IGF2BP2: variants seen among roughly 807,000 people sequenced by gnomAD.
IGF2BP2 encodes the protein insulin-like growth factor 2 mRNA-binding protein 2.
In IGF2BP2, 17 loss-of-function variants were observed where a neutral mutation model predicts 75.8. The ratio of observed to expected loss-of-function variants is 0.22; its 90% CI spans 0.15 to 0.34. The LOEUF (loss-of-function observed/expected upper bound fraction) is 0.34, where lower values mean the gene tolerates loss of function less well. Ranked by LOEUF, IGF2BP2 falls within the 10% of genes least tolerant of loss-of-function variation. IGF2BP2 has a pLI of 1.00. For missense variants in IGF2BP2, 516 were observed against 772.4 expected (o/e 0.67, Z 3.93); for synonymous variants, 288 against 295.6 (o/e 0.97, Z 0.26).
intron 2 of IGF2BP2, among the ~76,000 whole-genome samples, chr3:185,803,103 A>G (rs1738502038): frequency 6.6e-6 from 1 of 152,254 alleles, no homozygotes; most frequent in Non-Finnish European, 1.5e-5. Context: ...CTGTAATCCC[A>G]GCACTTTGAG....
At chr3:185,701,935 C>A (rs898852400) in intron 2 of IGF2BP2, among the ~76,000 whole-genome samples, 1 of 152,166 alleles carries the variant, frequency 6.6e-6, no homozygotes, top group African/African-American at 2.4e-5. Flanking sequence ...TATGCCTTCT[C>A]ATCAGGGTAC....
At chr3:185,754,232 C>T (rs1296470334) in intron 2 of IGF2BP2, among the ~76,000 whole-genome samples, 6 of 151,570 alleles carry the variant, frequency 4.0e-5, no homozygotes, top group Admixed American at 1.3e-4. Context: ...AATAAGAATA[C>T]GGGACCTCCC....
At position 185,660,458 on chromosome 3, in the gene IGF2BP2, T is replaced by C. The variant is rs16860175; in HGVS notation, c.1201-2049A>G. Reference sequence around the variant, plus strand: ...ACCGTTGCCCTTTTTGAGCTTGGAATGAGAAGGCAGAGATGTGAACAACTT... The same window carrying C: ...ACCGTTGCCCTTTTTGAGCTTGGAACGAGAAGGCAGAGATGTGAACAACTT... On this transcript the variant is annotated intron_variant, in intron 10 of 15. Coordinates refer to ENST00000382199, the MANE Select transcript of IGF2BP2 (RefSeq NM_006548.6). Among the ~76,000 whole-genome samples, 586 of 152,234 alleles carry C rather than the reference T, an allele frequency of 3.8e-3. 2 individuals are homozygous for C. The highest frequency in any genetic ancestry group is 0.013 in the African/African-American group (551 of 41,544).
intron 2 of IGF2BP2, among the ~76,000 whole-genome samples, chr3:185,734,203 T>C (rs1728560213): frequency 6.6e-6 from 1 of 152,204 alleles, no homozygotes; most frequent in Non-Finnish European, 1.5e-5. Context: ...CATCTGCACA[T>C]AGTTACATAG....
At chr3:185,812,495 A>G (rs1740034420) in intron 2 of IGF2BP2, among the ~76,000 whole-genome samples, 1 of 152,228 alleles carries the variant, frequency 6.6e-6, no homozygotes, top group South Asian at 2.1e-4. Flanking sequence ...GACAGGAAAT[A>G]GAGGGCTATT....
chr3:185,707,586 C>T lies in IGF2BP2; in HGVS notation c.240-9239G>A, dbSNP rs973503679. Among the ~76,000 whole-genome samples, 4 of 151,944 alleles carry T rather than the reference C, an allele frequency of 2.6e-5. No individual in the cohort carries two copies. The East Asian group carries it at 7.8e-4, about 30-fold the overall frequency. On this transcript the variant is annotated intron_variant, in intron 2 of 15. Transcript: ENST00000382199. ...CTTCCCAAAGTGCTGGGATTACAGG[C>T]GTGAGCCACCGAAGAGCCTACTTTT...
Position 185,650,374 on chromosome 3 carries a change from C to T in IGF2BP2, c.1462-840G>A, listed in dbSNP as rs1300044205. Among the ~76,000 whole-genome samples, 4 of 151,470 alleles carry T rather than the reference C, an allele frequency of 2.6e-5. No homozygotes were observed. The East Asian group carries it at 5.8e-4, about 22-fold the overall frequency. On this transcript the variant is annotated intron_variant, in intron 13 of 15. Coordinates refer to ENST00000382199, the MANE Select transcript of IGF2BP2 (RefSeq NM_006548.6). ...ATAACTTACATAATCTGAGAGTCAC[C>T]GTTTTAAAGTATACACTTCAGTCCA...
chr3:185,673,862 G>T (rs1718889890), intron 9 of IGF2BP2, among the ~76,000 whole-genome samples: 1 of 152,230 alleles, frequency 6.6e-6, no homozygotes, highest in Admixed American at 6.5e-5. Context: ...GAAGATGTAT[G>T]AATCACTCAG....
intron 7 of IGF2BP2, among the ~76,000 whole-genome samples, chr3:185,678,224 T>C (rs1719845648): frequency 6.6e-6 from 1 of 152,202 alleles, no homozygotes; most frequent in East Asian, 1.9e-4. Flanking sequence ...AATTGTGACA[T>C]ACAAAGGAGC....
At chr3:185,796,074 G>A (rs543704045) in intron 2 of IGF2BP2, among the ~76,000 whole-genome samples, 37 of 152,250 alleles carry the variant, frequency 2.4e-4, no homozygotes, top group African/African-American at 7.7e-4. Flanking sequence ...TTTGATGTCC[G>A]AGTATGAATT....
intron 2 of IGF2BP2, among the ~76,000 whole-genome samples, chr3:185,742,908 G>A (rs1729760587): frequency 6.6e-6 from 1 of 152,042 alleles, no homozygotes; most frequent in Non-Finnish European, 1.5e-5. Flanking sequence ...AGACCAGCCT[G>A]GCCAATATGG....
intron 2 of IGF2BP2, among the ~76,000 whole-genome samples, chr3:185,799,538 GGAGACC>G (rs1279676509): frequency 6.6e-6 from 1 of 152,168 alleles, no homozygotes; most frequent in Non-Finnish European, 1.5e-5. Flanking sequence ...CACGAGGTCA[GGAGACC>G]GAGACCATCC....
chr3:185,769,932 A>G (rs1374126870), intron 2 of IGF2BP2, among the ~76,000 whole-genome samples: 1 of 152,136 alleles, frequency 6.6e-6, no homozygotes, highest in Non-Finnish European at 1.5e-5. Context: ...CTATTAGGCA[A>G]AATCCACAAA....
At chr3:185,796,964 A>G (rs1302298397) in intron 2 of IGF2BP2, among the ~76,000 whole-genome samples, 2 of 152,174 alleles carry the variant, frequency 1.3e-5, no homozygotes, top group African/African-American at 4.8e-5. Flanking sequence ...TCCAGGTACG[A>G]AACCAACAAC....
At chr3:185,663,410 A>AAC (rs1214360495) in intron 10 of IGF2BP2, among the ~76,000 whole-genome samples, 14 of 152,304 alleles carry the variant, frequency 9.2e-5, no homozygotes, top group Non-Finnish European at 2.9e-5. Context: ...TCAAACTCTC[A>AAC]ACTTCAGGAA....
chr3:185,805,770 C>CT (rs1254141059), intron 2 of IGF2BP2, among the ~76,000 whole-genome samples: 1,519 of 136,544 alleles, frequency 0.011, 15 homozygotes, highest in Middle Eastern at 0.029. Context: ...TGAAGTAAAT[C>CT]TTTTTTTTTT....
chr3:185,818,711 A>G (rs563265117), intron 2 of IGF2BP2, among the ~76,000 whole-genome samples: 1 of 152,342 alleles, frequency 6.6e-6, no homozygotes, highest in Non-Finnish European at 1.5e-5. Flanking sequence ...AGAGTGATTC[A>G]GCTACAGACA....
chr3:185,647,788 C>A lies in IGF2BP2; in HGVS notation c.1594-650G>T, dbSNP rs543081447. On this transcript the variant is annotated intron_variant, in intron 14 of 15. Transcript: ENST00000382199. This position sits in a 1 kb window ranked among gnomAD's most constrained non-coding sequence, Gnocchi z 4.9. The stretch of plus-strand genomic sequence containing the variant: ...CTGCCTCACTGGGCCTGCTTCCCAA[C>A]AGGACTGCACGCTTCCTGAGGGCTC... 1.3e-5 allele frequency among the ~76,000 whole-genome samples: 2 copies of A among 152,376 alleles called. No homozygotes were observed. The highest frequency in any genetic ancestry group is 4.1e-4 in the South Asian group (2 of 4,830).
intron 2 of IGF2BP2, among the ~76,000 whole-genome samples, chr3:185,815,877 ATT>A (rs559375003): frequency 6.6e-6 from 1 of 152,134 alleles, no homozygotes; most frequent in African/African-American, 2.4e-5. Flanking sequence ...TATTTAGCAT[ATT>A]TTTTTGTGCG....
Sources: allele counts gnomAD v4.1 joint callset (sites outside exome capture counted in the v4.1 genomes callset), GRCh38; gene constraint gnomAD v4.1.1; non-coding constraint Gnocchi (gnomAD v3.1); transcripts MANE v1.5; gene names NCBI Gene and HGNC (gene_info 2026-07-23, HGNC 2026-07-21).